TSHZ2: variants seen among roughly 807,000 people sequenced by gnomAD.
TSHZ2 encodes the protein teashirt zinc finger homeobox 2, also known as teashirt homolog 2.
In TSHZ2, 21 loss-of-function variants were observed where a neutral mutation model predicts 74.4. The observed-to-expected ratio is 0.28, with a 90% confidence interval of 0.20 to 0.41. The LOEUF (loss-of-function observed/expected upper bound fraction) is 0.41. Ranked by LOEUF, TSHZ2 falls within the 10% of genes least tolerant of loss-of-function variation. The pLI is 1.00. For synonymous variants in TSHZ2, 540 were observed against 515.3 expected (o/e 1.05, Z -0.65); for missense variants, 1,244 against 1,293.5 (o/e 0.96, Z 0.59).
chr20:53,094,620 C>T (rs1379798506), intron 1 of TSHZ2, among the ~76,000 whole-genome samples: 1 of 152,192 alleles, frequency 6.6e-6, no homozygotes, highest in Non-Finnish European at 1.5e-5. Context: ...ATCTGCCTGG[C>T]GTACTCTTGC....
At chr20:53,050,113 A>ATATATATACATATATATATGTG (rs1984383182) in intron 1 of TSHZ2, among the ~76,000 whole-genome samples, 1 of 97,998 alleles carries the variant, frequency 1.0e-5, no homozygotes, top group Non-Finnish European at 1.8e-5. Context: ...GTATATATAT[A>ATATATATACATATATATATGTG]TATATATATA....
At chr20:53,325,804 T>G (rs1386018598) in intron 2 of TSHZ2, among the ~76,000 whole-genome samples, 2 of 152,132 alleles carry the variant, frequency 1.3e-5, no homozygotes, top group African/African-American at 4.8e-5. Flanking sequence ...TTTTTTGAGA[T>G]GGAGTCTCAC....
At chr20:53,352,047 T>A (rs1980663940) in intron 2 of TSHZ2, among the ~76,000 whole-genome samples, 1 of 152,144 alleles carries the variant, frequency 6.6e-6, no homozygotes, top group Non-Finnish European at 1.5e-5. Flanking sequence ...TTAGAAATTG[T>A]TCACTCTATA....
chr20:53,036,036 T>C (rs1056085342), intron 1 of TSHZ2, among the ~76,000 whole-genome samples: 2 of 152,224 alleles, frequency 1.3e-5, no homozygotes, highest in Non-Finnish European at 2.9e-5. Flanking sequence ...AATCCTTCAA[T>C]GCCATATTAC....
At chr20:53,437,238 C>T (rs931663026) in intron 2 of TSHZ2, among the ~76,000 whole-genome samples, 3 of 152,054 alleles carry the variant, frequency 2.0e-5, no homozygotes, top group Non-Finnish European at 4.4e-5. Flanking sequence ...TTTGGGAGGC[C>T]GAGGCAGATG....
rs71897861 is a variant in TSHZ2 at position 53,050,103 on chromosome 20, G to GTATATA, written c.40+76787_40+76792dup. 4.4e-3 allele frequency among the ~76,000 whole-genome samples: 514 copies of GTATATA among 115,918 alleles called. 8 individuals are homozygous for GTATATA. The highest frequency in any genetic ancestry group is 0.018 in the African/African-American group (470 of 25,660). The allele number at this position is 115,918 out of a possible 152,430, so 76.0% of individuals were successfully genotyped here. The stretch of plus-strand genomic sequence containing the variant: ...CTCAAAAAAAAAAATGTATATGTGT[G>GTATATA]TATATATATATATATATATATACAC... On this transcript the variant is annotated intron_variant, in intron 1 of 2. Transcript: ENST00000371497.
At chr20:53,167,268 A>G (rs1230515514) in intron 1 of TSHZ2, among the ~76,000 whole-genome samples, 1 of 152,276 alleles carries the variant, frequency 6.6e-6, no homozygotes, top group Non-Finnish European at 1.5e-5. Context: ...CAAGAAGGAT[A>G]TAGTTTACAT....
intron 1 of TSHZ2, among the ~76,000 whole-genome samples, chr20:53,022,336 A>G (rs1983274792): frequency 6.6e-6 from 1 of 152,192 alleles, no homozygotes; most frequent in Non-Finnish European, 1.5e-5. Context: ...TCTTTTAGGG[A>G]AGTAAATTTC....
chr20:53,232,406 C>T (rs780497641), intron 1 of TSHZ2, among the ~76,000 whole-genome samples: 4 of 152,140 alleles, frequency 2.6e-5, no homozygotes, highest in Non-Finnish European at 5.9e-5. Flanking sequence ...AGACTGAGCT[C>T]CAAGGAGTTT....
At chr20:53,072,364 A>G (rs1985203412) in intron 1 of TSHZ2, among the ~76,000 whole-genome samples, 1 of 152,236 alleles carries the variant, frequency 6.6e-6, no homozygotes, top group Non-Finnish European at 1.5e-5. Flanking sequence ...TAATCCAGCA[A>G]TATCAATTAC....
chr20:53,175,304 C>T (rs1457232559), intron 1 of TSHZ2, among the ~76,000 whole-genome samples: 2 of 151,842 alleles, frequency 1.3e-5, no homozygotes, highest in Admixed American at 1.3e-4. Flanking sequence ...CCACGCCTGG[C>T]TAATTTTTTG....
At chr20:53,427,671 T>C (rs1205176748) in intron 2 of TSHZ2, among the ~76,000 whole-genome samples, 2 of 152,136 alleles carry the variant, frequency 1.3e-5, no homozygotes, top group African/African-American at 4.8e-5. Context: ...GAGCCATGTA[T>C]TTTGAGGGTC....
At chr20:53,444,357 G>A (rs1984466841) in intron 2 of TSHZ2, among the ~76,000 whole-genome samples, 1 of 152,176 alleles carries the variant, frequency 6.6e-6, no homozygotes, top group Non-Finnish European at 1.5e-5. Flanking sequence ...AGCCACTGGT[G>A]GCTACCCCTT....
intron 1 of TSHZ2, among the ~76,000 whole-genome samples, chr20:53,079,251 T>G (rs931593589): frequency 6.6e-6 from 1 of 152,184 alleles, no homozygotes; most frequent in African/African-American, 2.4e-5. Flanking sequence ...TTAACTTGGC[T>G]GAGCTCCTGG....
In TSHZ2 at chr20:53,254,399, C is replaced by G. The variant is rs767343963; in HGVS notation, c.941C>G (p.Ser314Trp). The change falls in exon 2 of 3, where the codon TCG (serine) becomes TGG (tryptophan). Residue 314 changes from serine to tryptophan, a missense_variant. Ser to Trp is a radical substitution (Grantham distance 177). Around this residue, in one of 6 missense-constraint regions of TSHZ2, gnomAD observed 470 missense variants for 456.5 expected, o/e 1.03. Coordinates refer to ENST00000371497, the MANE Select transcript of TSHZ2 (RefSeq NM_173485.6). Reference sequence around the variant, plus strand: ...AAGGAGCCAGTCCCAACCATTTCCTCGAAAATGGTCACCCCGGCTAAGAAA... The same window carrying G: ...AAGGAGCCAGTCCCAACCATTTCCTGGAAAATGGTCACCCCGGCTAAGAAA... ...PLKEPVPTIS[S>W]KMVTPAKKRV... 3 of 1,613,686 alleles carry G rather than the reference C, an allele frequency of 1.9e-6. No homozygotes were observed. The highest frequency in any genetic ancestry group is 2.5e-6 in the Non-Finnish European group (3 of 1,179,748).
chr20:53,100,580 T>C (rs1986189119), intron 1 of TSHZ2, among the ~76,000 whole-genome samples: 1 of 152,186 alleles, frequency 6.6e-6, no homozygotes, highest in Non-Finnish European at 1.5e-5. Context: ...GGGCATCTGT[T>C]TGCTGTCAGT....
At chr20:53,002,660 T>C (rs1438845405) in intron 1 of TSHZ2, among the ~76,000 whole-genome samples, 1 of 151,726 alleles carries the variant, frequency 6.6e-6, no homozygotes, top group African/African-American at 2.4e-5. Flanking sequence ...AATAAATTTA[T>C]AAAAAAGAAC....
intron 1 of TSHZ2, among the ~76,000 whole-genome samples, chr20:53,183,492 G>T (rs1600728673): frequency 6.6e-6 from 1 of 152,128 alleles, no homozygotes; most frequent in Non-Finnish European, 1.5e-5. Context: ...TTGTGGCAGG[G>T]GCTTGAAAAA....
chr20:53,182,163 TTTCTTTCTTTCTTCCTTCC>T (rs1019972898), intron 1 of TSHZ2, among the ~76,000 whole-genome samples: 1 of 88,984 alleles, frequency 1.1e-5, no homozygotes, highest in Non-Finnish European at 2.5e-5. Context: ...CTCTCTTCCT[TTTCTTTCTTTCTTCCTTCC>T]TTTTCTTTCT....
Sources: gnomAD v4.1 joint callset for allele counts (sites outside exome capture counted in the v4.1 genomes callset) on GRCh38, gnomAD v4.1.1 for gene constraint, gnomAD v4.1.1 regional missense constraint, MANE v1.5 for transcripts, NCBI Gene and HGNC (gene_info 2026-07-23, HGNC 2026-07-21) for gene names.